The following ATP6V0A4 variants were observed in gnomAD, a reference collection of about 807,000 sequenced individuals.
ATP6V0A4 encodes V-type proton ATPase 116 kDa subunit a 4.
In ATP6V0A4, 86 loss-of-function variants were observed where a neutral mutation model predicts 107.3. The observed-to-expected ratio is 0.80, with a 90% confidence interval of 0.67 to 0.96. The LOEUF is 0.96. Among genes scored for constraint, ATP6V0A4 ranks in the 40% least tolerant of loss-of-function variants. The pLI is 0.00. For synonymous variants in ATP6V0A4, 353 were observed against 381.4 expected, an observed-to-expected ratio of 0.93 and a Z score of 0.87; for missense variants, 908 against 1,045.6, an observed-to-expected ratio of 0.87 and a Z score of 1.81.
chr7:138,754,564 T>G (rs897314294), intron 10 of ATP6V0A4, among the ~76,000 whole-genome samples: 1 of 152,166 alleles, frequency 6.6e-6, no homozygotes, highest in African/African-American at 2.4e-5. Flanking sequence ...GTCCAGAATC[T>G]AAAACTGAGT....
intron 19 of ATP6V0A4, among the ~76,000 whole-genome samples, chr7:138,718,584 C>CATGG (rs1562980961): frequency 2.7e-4 from 16 of 59,376 alleles, no homozygotes; most frequent in Non-Finnish European, 2.7e-4. Flanking sequence ...AGGCATGGGG[C>CATGG]GGAATGGGGA....
intron 2 of ATP6V0A4, among the ~76,000 whole-genome samples, chr7:138,779,677 T>TC (rs1807833094): frequency 1.3e-5 from 2 of 152,146 alleles, no homozygotes; most frequent in Non-Finnish European, 2.9e-5. Context: ...ACTAATCTCT[T>TC]CCCCAGAAGA....
chr7:138,752,999 C>T, intron 10 of ATP6V0A4, 162 bp from the exon 11 acceptor site: 1 of 813,702 alleles, frequency 1.2e-6, no homozygotes, highest in Non-Finnish European at 1.5e-6. Context: ...AGCAGTTTAT[C>T]TCCCCCGCTA....
intron 6 of ATP6V0A4, 31 bp downstream of exon 6, chr7:138,762,869 G>C (rs1806895403): frequency 6.2e-7 from 1 of 1,609,642 alleles, no homozygotes; most frequent in African/African-American, 1.3e-5. Flanking sequence ...TGAGGAACGG[G>C]CCCTTTAGTA....
rs1394082976 is a variant in ATP6V0A4 at position 138,706,729 on chromosome 7, G to A, written c.2430-12C>T. 6.2e-7 allele frequency: 1 copy of A among 1,612,736 alleles called. No individual in the cohort carries two copies. Among genetic ancestry groups the A allele is most frequent in the African/African-American group, 1.3e-5 (1 of 74,792 alleles). On this transcript the variant is annotated splice_polypyrimidine_tract_variant and intron_variant, in intron 21 of 21. Transcript: ENST00000310018. ...TCTGGAACTCAACCCTGTTGTTGAG[G>A]GGAGGCCGTGGGGTAAGAAATGGGA...
At chr7:138,734,305 C>G (rs755186596) in intron 15 of ATP6V0A4, 51 bp from the exon 16 acceptor site, 3 of 1,608,672 alleles carry the variant, frequency 1.9e-6, no homozygotes, top group East Asian at 2.2e-5. Flanking sequence ...CTTAGAAGTT[C>G]TACTGGAGTT....
intron 18 of ATP6V0A4, among the ~76,000 whole-genome samples, chr7:138,725,118 A>T (rs917777654): frequency 3.3e-5 from 5 of 152,250 alleles, no homozygotes; most frequent in Admixed American, 3.3e-4. Flanking sequence ...CAAAAAAATT[A>T]AAAAATAGCT....
intron 13 of ATP6V0A4, 116 bp downstream of exon 13, chr7:138,747,309 T>C: frequency 1.5e-6 from 2 of 1,352,406 alleles, no homozygotes; most frequent in East Asian, 2.3e-5. Flanking sequence ...GGCTCTTTTT[T>C]ACTTTCCTTC....
intron 19 of ATP6V0A4, among the ~76,000 whole-genome samples, chr7:138,718,109 GCAGTCAC>G (rs1804167218): frequency 5.5e-3 from 23 of 4,182 alleles, no homozygotes; most frequent in South Asian, 0.01. Context: ...GGGCGGGGGT[GCAGTCAC>G]GGATGTCTGC....
At position 138,733,221 on chromosome 7, in the gene ATP6V0A4, C is replaced by T. The variant is rs1356150921; in HGVS notation, c.1692-128G>A. 1.6e-5 allele frequency: 24 copies of T among 1,462,312 alleles called. No homozygotes were observed. The Admixed American group carries it at 2.6e-4, about 16-fold the overall frequency. 90.6% of individuals were successfully genotyped at this position (1,462,312 alleles called of 1,614,324 possible). On this transcript the variant is annotated intron_variant, in intron 16 of 21. Coordinates refer to ENST00000310018, the MANE Select transcript of ATP6V0A4 (RefSeq NM_020632.3). ...TTTTTTTTGCACTACTGGCAAACAA[C>T]GGCACCCCCCACCCCCCCAGCAAAC...
At chr7:138,777,435 T>C (rs1373458466) in intron 2 of ATP6V0A4, among the ~76,000 whole-genome samples, 2 of 151,656 alleles carry the variant, frequency 1.3e-5, no homozygotes, top group African/African-American at 2.4e-5. Flanking sequence ...GCCAACATGG[T>C]GAAACCCCAT....
chr7:138,743,513 C>A (rs1400600428), intron 14 of ATP6V0A4, among the ~76,000 whole-genome samples: 1 of 151,656 alleles, frequency 6.6e-6, no homozygotes, highest in Non-Finnish European at 1.5e-5. Flanking sequence ...AGGATTGAAT[C>A]TTTTCTAACT....
At chr7:138,787,512 C>A (rs1438516186) in intron 1 of ATP6V0A4, among the ~76,000 whole-genome samples, 1 of 152,092 alleles carries the variant, frequency 6.6e-6, no homozygotes, top group African/African-American at 2.4e-5. Context: ...AGGAGCTAGG[C>A]ATGGTGGTGC....
At chr7:138,713,558 G>A (rs1311842608) in intron 20 of ATP6V0A4, among the ~76,000 whole-genome samples, 2 of 152,118 alleles carry the variant, frequency 1.3e-5, no homozygotes, top group Non-Finnish European at 2.9e-5. Flanking sequence ...TTGCTTTCAA[G>A]GAGCTCATAG....
At chr7:138,754,936 T>G (rs948150693) in intron 10 of ATP6V0A4, among the ~76,000 whole-genome samples, 2 of 152,130 alleles carry the variant, frequency 1.3e-5, no homozygotes, top group Middle Eastern at 3.2e-3. Context: ...CCCTAAAATT[T>G]AAATTGAATT....
At chr7:138,745,748 G>A (rs1333779475) in intron 13 of ATP6V0A4, among the ~76,000 whole-genome samples, 2 of 145,802 alleles carry the variant, frequency 1.4e-5, no homozygotes, top group East Asian at 4.1e-4. Flanking sequence ...GGGGTCAGGA[G>A]TTCGAGACCA....
intron 2 of ATP6V0A4, among the ~76,000 whole-genome samples, chr7:138,779,242 G>T (rs1395023354): frequency 6.6e-6 from 1 of 151,928 alleles, no homozygotes; most frequent in African/African-American, 2.4e-5. Flanking sequence ...AGCTACTTGG[G>T]AGGCCGACTT....
At chr7:138,739,696 T>C (rs1805517700) in intron 14 of ATP6V0A4, 63 bp from the exon 15 acceptor site, 1 of 1,598,372 alleles carries the variant, frequency 6.3e-7, no homozygotes, top group African/African-American at 1.3e-5. Flanking sequence ...GATACTATAA[T>C]ACCACCAGTC....
chr7:138,764,044 T>C (rs926028821), intron 5 of ATP6V0A4, among the ~76,000 whole-genome samples: 7 of 150,268 alleles, frequency 4.7e-5, no homozygotes, highest in Admixed American at 4.0e-4. Context: ...GTATATAATA[T>C]ATATGAAATT....
Sources: allele counts gnomAD v4.1 joint callset (sites outside exome capture counted in the v4.1 genomes callset), GRCh38; gene constraint gnomAD v4.1.1; transcripts MANE v1.5; gene names NCBI Gene and HGNC (gene_info 2026-07-23, HGNC 2026-07-21).